The following CFAP47 variants were observed in gnomAD, a reference collection of about 807,000 sequenced individuals.
The protein encoded by CFAP47 is cilia and flagella associated protein 47, also known as cilia- and flagella-associated protein 47.
A neutral mutation model predicts 148.1 loss-of-function variants in CFAP47; 29 were observed. The ratio of observed to expected loss-of-function variants is 0.20; its 90% CI spans 0.15 to 0.27. The LOEUF (loss-of-function observed/expected upper bound fraction) is 0.27, where lower values mean the gene tolerates loss of function less well. CFAP47 is among the 10% of genes least tolerant of loss of function. The pLI, the probability that CFAP47 is intolerant of heterozygous loss-of-function variation, is 1.00. For missense variants in CFAP47, 1,872 were observed against 1,697.5 expected (o/e 1.10, Z -1.81); for synonymous variants, 664 against 577.3 (o/e 1.15, Z -2.15).
chrX:36,117,372 C>T (rs1288898708), intron 33 of CFAP47, among the ~76,000 whole-genome samples: 1 of 111,841 alleles, frequency 8.9e-6, no homozygotes, highest in Non-Finnish European at 1.9e-5. Flanking sequence ...TTCCCACCAG[C>T]AGTGTAGGTG....
At chrX:36,100,406 G>A (rs1450239656) in intron 32 of CFAP47, among the ~76,000 whole-genome samples, 1 of 111,917 alleles carries the variant, frequency 8.9e-6, no homozygotes, top group Non-Finnish European at 1.9e-5. Context: ...ACAACTATAG[G>A]CAAAAGGTTT....
At chrX:36,075,133 G>A (rs1215105207) in intron 29 of CFAP47, among the ~76,000 whole-genome samples, 3 of 110,823 alleles carry the variant, frequency 2.7e-5, no homozygotes, top group Non-Finnish European at 5.7e-5. Flanking sequence ...TAGATGCCCA[G>A]TATTGGGATA....
At chrX:35,952,025 T>A (rs1229096982) in intron 6 of CFAP47, 62 bp downstream of exon 6, 1 of 1,063,194 alleles carries the variant, frequency 9.4e-7, no homozygotes, top group African/African-American at 2.0e-5. Flanking sequence ...TAACCACACT[T>A]TAATCAGATT....
chrX:35,974,199 T>C (rs1224914152), intron 13 of CFAP47, among the ~76,000 whole-genome samples: 2 of 112,121 alleles, frequency 1.8e-5, no homozygotes, highest in African/African-American at 6.5e-5. Flanking sequence ...AGAAGTATAT[T>C]TGAGCAGAGA....
intron 33 of CFAP47, among the ~76,000 whole-genome samples, chrX:36,137,527 C>T (rs748504525): frequency 1.8e-5 from 2 of 110,513 alleles, no homozygotes; most frequent in East Asian, 2.9e-4. Context: ...TTTCCTGCCA[C>T]GTGGATGAAT....
chrX:36,062,429 C>G (rs1252494257), intron 26 of CFAP47, among the ~76,000 whole-genome samples: 1 of 111,461 alleles, frequency 9.0e-6, no homozygotes, highest in Non-Finnish European at 1.9e-5. Flanking sequence ...CTCAGCCTCA[C>G]TAATGATGTG....
At chrX:35,935,164 T>G (rs1350815674) in intron 2 of CFAP47, among the ~76,000 whole-genome samples, 2 of 111,886 alleles carry the variant, frequency 1.8e-5, no homozygotes, top group Admixed American at 1.9e-4. Context: ...CCTTGTGGCC[T>G]AGACTGCCTT....
At chrX:35,989,517 A>G in intron 16 of CFAP47, 68 bp downstream of exon 16, 3 of 1,208,985 alleles carry the variant, frequency 2.5e-6, no homozygotes, top group Non-Finnish European at 3.4e-6. Context: ...ACACTGGTGT[A>G]TATAGTTACC....
chrX:35,949,557 C>A (rs1235353286), intron 4 of CFAP47, among the ~76,000 whole-genome samples: 2 of 111,512 alleles, frequency 1.8e-5, no homozygotes, highest in Non-Finnish European at 3.8e-5. Context: ...AAAGGTGGAA[C>A]AGGGTTATGG....
intron 48 of CFAP47, among the ~76,000 whole-genome samples, chrX:36,240,222 G>T (rs377621358): frequency 1.8e-5 from 2 of 111,253 alleles, no homozygotes; most frequent in East Asian, 5.6e-4. Context: ...GAAGCAAAAG[G>T]ACAAGGAAGC....
chrX:36,271,061 A>G (rs1602082747), intron 49 of CFAP47, among the ~76,000 whole-genome samples: 1 of 111,163 alleles, frequency 9.0e-6, no homozygotes, highest in Admixed American at 9.7e-5. Context: ...AGTGGGTTAA[A>G]AGTAAGCTTA....
At chrX:35,981,401 A>T (rs1335661949) in intron 15 of CFAP47, among the ~76,000 whole-genome samples, 1 of 108,267 alleles carries the variant, frequency 9.2e-6, no homozygotes, top group African/African-American at 3.3e-5. Flanking sequence ...AATATCTACC[A>T]CAAACAATCT....
At chrX:36,337,881 T>C (rs1470350386) in intron 57 of CFAP47, among the ~76,000 whole-genome samples, 2 of 89,057 alleles carry the variant, frequency 2.2e-5, no homozygotes, top group African/African-American at 4.5e-5. Context: ...TTTTTTTTTT[T>C]CCTGAGATGG....
In CFAP47 at chrX:36,301,137, C is replaced by G; in HGVS notation, c.7928C>G (p.Pro2643Arg). ...WYLLKLTIEL[P>R]KPTTMPEIQC... ...TTACTGAAGTTAACTATTGAATTAC[C>G]AAAACCAACCACAATGCCAGAAATA... Residue 2643 changes from proline to arginine, a missense_variant, in exon 53 of 64, where the codon CCA (proline) becomes CGA (arginine). Pro to Arg is a moderately radical substitution (Grantham distance 103, BLOSUM62 -2). Transcript: ENST00000378653. The G allele has an allele frequency of 8.6e-7, 1 of 1,156,275 alleles. No homozygotes were observed. The highest frequency in any genetic ancestry group is 1.9e-5 in the South Asian group (1 of 51,891).
intron 51 of CFAP47, among the ~76,000 whole-genome samples, chrX:36,298,274 T>C (rs1229052606): frequency 2.9e-5 from 3 of 103,716 alleles, no homozygotes; most frequent in Admixed American, 1.1e-4. Context: ...ATGGATGAAA[T>C]TGGAAATCAT....
chrX:36,272,842 A>T (rs12012337), intron 49 of CFAP47, among the ~76,000 whole-genome samples: 5,563 of 111,263 alleles, frequency 0.05, 338 homozygotes, highest in African/African-American at 0.17. Flanking sequence ...GTTCCCTCAT[A>T]TGTGAGTGAT....
chrX:36,075,723 G>T (rs1937840716), intron 29 of CFAP47, among the ~76,000 whole-genome samples: 1 of 110,949 alleles, frequency 9.0e-6, no homozygotes, highest in Non-Finnish European at 1.9e-5. Flanking sequence ...AGTGCCTTTT[G>T]TGGCCATCTT....
intron 51 of CFAP47, among the ~76,000 whole-genome samples, chrX:36,291,939 T>C (rs1941197479): frequency 9.0e-6 from 1 of 110,707 alleles, no homozygotes; most frequent in Admixed American, 9.6e-5. Flanking sequence ...AAGCAGGAGG[T>C]TACTTCCTAG....
chrX:36,016,067 A>G (rs916571945), intron 22 of CFAP47, among the ~76,000 whole-genome samples: 5 of 110,396 alleles, frequency 4.5e-5, no homozygotes, highest in African/African-American at 1.6e-4. Flanking sequence ...ATGTTTTGAT[A>G]CTGGCATGCA....
Sources: gnomAD v4.1 joint callset for allele counts (sites outside exome capture counted in the v4.1 genomes callset) on GRCh38, gnomAD v4.1.1 for gene constraint, MANE v1.5 for transcripts, NCBI Gene and HGNC (gene_info 2026-07-23, HGNC 2026-07-21) for gene names.